BOC: variants seen among roughly 807,000 people sequenced by gnomAD.
The protein encoded by BOC is brother of CDO.
A neutral mutation model predicts 112.0 loss-of-function variants in BOC; 76 were observed. That is an observed-to-expected ratio of 0.68 (90% CI 0.56 to 0.82). The LOEUF (loss-of-function observed/expected upper bound fraction) is 0.82. BOC is among the 40% of genes least tolerant of loss of function. The pLI, the probability that BOC is intolerant of heterozygous loss-of-function variation, is 0.00. For synonymous variants in BOC, 580 were observed against 599.8 expected (o/e 0.97, Z 0.48); for missense variants, 1,309 against 1,511.7 (o/e 0.87, Z 2.22).
intron 4 of BOC, chr3:113,251,323 C>T: frequency 5.2e-6 from 1 of 193,974 alleles, no homozygotes; most frequent in Non-Finnish European, 1.1e-5. Context: ...CCAGACTTGG[C>T]CTCCTGTCTC....
intron 2 of BOC, among the ~76,000 whole-genome samples, chr3:113,240,806 T>C (rs1404385378): frequency 1.3e-5 from 2 of 152,164 alleles, no homozygotes; most frequent in Non-Finnish European, 1.5e-5. Flanking sequence ...TCCTTCCTTT[T>C]TGAGCACTGG....
intron 2 of BOC, among the ~76,000 whole-genome samples, chr3:113,229,447 C>T (rs1363593457): frequency 1.3e-5 from 2 of 152,172 alleles, no homozygotes; most frequent in African/African-American, 2.4e-5. Flanking sequence ...CTATCCCTGC[C>T]CCTAGAAGCA....
chr3:113,226,219 G>C (rs547888482), intron 2 of BOC, among the ~76,000 whole-genome samples: 1 of 152,276 alleles, frequency 6.6e-6, no homozygotes, highest in Non-Finnish European at 1.5e-5. Context: ...TTATCAAAAG[G>C]AGTGGCATTC....
chr3:113,211,205 G>T (rs1460050433), upstream of BOC: 1 of 152,400 alleles, frequency 6.6e-6, no homozygotes, highest in Non-Finnish European at 1.5e-5. Flanking sequence ...AGGAGGGAAG[G>T]ATTGTACATG....
chr3:113,286,896 G>GTTTT lies in BOC; in HGVS notation c.*41_*44dup. 7.7e-7 allele frequency: 1 copy of GTTTT among 1,291,568 alleles called. No individual in the cohort carries two copies. Among genetic ancestry groups the GTTTT allele is most frequent in the East Asian group, 2.7e-5 (1 of 36,884 alleles). 80.0% of individuals were successfully genotyped at this position (1,291,568 alleles called of 1,614,324 possible). On this transcript the variant is annotated 3_prime_UTR_variant, in exon 20 of 20. Coordinates refer to ENST00000682979, the MANE Select transcript of BOC (RefSeq NM_001378074.1). ...TGATATCCCAGAAAGACTATATATT[G>GTTTT]TTTTTTTTTTAAAAAAAAAAAGAAG...
Position 113,274,411 on chromosome 3 carries a change from C to G in BOC, c.1271C>G (p.Ala424Gly). Residue 424 changes from alanine to glycine, a missense_variant, in exon 9 of 20, where the codon GCT becomes GGT. By Grantham distance (60) the Ala-to-Gly change is moderately conservative (BLOSUM62 0). Transcript: ENST00000682979. This position sits in a 1 kb window ranked among gnomAD's most constrained non-coding sequence, Gnocchi z 4.8. ...TPRLWQDAEL[A>G]TGTPPVSPSK... Reference sequence around the variant, plus strand: ...AGGCTATGGCAGGATGCTGAGCTGGCTACTGGCACACCTCCTGTATCACCC... The same window carrying G: ...AGGCTATGGCAGGATGCTGAGCTGGGTACTGGCACACCTCCTGTATCACCC... 1 of 1,575,216 alleles carries G rather than the reference C, an allele frequency of 6.3e-7. No homozygotes were observed. The highest frequency in any genetic ancestry group is 1.2e-5 in the South Asian group (1 of 86,798).
rs1387402941 is a variant in BOC at position 113,272,385 on chromosome 3, GTCCTTGCCC to G, written c.668-15_668-7del. The G allele has an allele frequency of 2.5e-6, 4 of 1,608,592 alleles. No individual in the cohort carries two copies. The highest frequency in any genetic ancestry group is 2.2e-5 in the East Asian group (1 of 44,752). On this transcript the variant is annotated splice_polypyrimidine_tract_variant and intron_variant, in intron 6 of 19. Transcript: ENST00000682979. ...GGACATCCTGGTCCACACGCCTTCT[GTCCTTGCCC>G]TCCTTGCCCCTCCAGGCTCCACCGC... is the stretch of plus-strand genomic sequence containing the variant.
Position 113,253,869 on chromosome 3 carries a change from A to C in BOC, c.376+3036A>C, listed in dbSNP as rs1344396099. Among the ~76,000 whole-genome samples, 4 of 152,210 alleles carry C rather than the reference A, an allele frequency of 2.6e-5. No individual in the cohort carries two copies. The East Asian group carries it at 7.7e-4, about 29-fold the overall frequency. The stretch of plus-strand genomic sequence containing the variant: ...GTGCCCTTAAAGAGCAGCACTGCTC[A>C]TTCAACAGGGAGGTTTCATCTGCAA... On this transcript the variant is annotated intron_variant, in intron 4 of 19. Transcript: ENST00000682979.
chr3:113,256,609 A>G (rs1449617471), intron 4 of BOC, among the ~76,000 whole-genome samples: 7 of 152,196 alleles, frequency 4.6e-5, no homozygotes, highest in African/African-American at 1.7e-4. Context: ...CACACACTTC[A>G]CTAAGGTCAC....
intron 4 of BOC, among the ~76,000 whole-genome samples, chr3:113,266,810 A>G (rs1427162348): frequency 2.6e-5 from 4 of 152,184 alleles, no homozygotes; most frequent in African/African-American, 9.7e-5. Context: ...CTTTCACAGA[A>G]ACAACAGGGC....
At chr3:113,251,702 A>G (rs1945662206) in intron 4 of BOC, 1 of 152,200 alleles carries the variant, frequency 6.6e-6, no homozygotes. Flanking sequence ...AATGGCTTCT[A>G]AGGTCCCTCC....
At chr3:113,226,347 A>G (rs555912956) in intron 2 of BOC, among the ~76,000 whole-genome samples, 1 of 152,236 alleles carries the variant, frequency 6.6e-6, no homozygotes, top group African/African-American at 2.4e-5. Context: ...TGCTGGTGGA[A>G]AGAAGTCTCT....
At chr3:113,229,113 G>T (rs927212705) in intron 2 of BOC, among the ~76,000 whole-genome samples, 1 of 152,206 alleles carries the variant, frequency 6.6e-6, no homozygotes, top group Non-Finnish European at 1.5e-5. Context: ...TCTGAGGTGG[G>T]GTAGAGGGTT....
intron 12 of BOC, 41 bp downstream of exon 12, chr3:113,279,496 A>G: frequency 6.3e-7 from 1 of 1,584,870 alleles, no homozygotes; most frequent in Non-Finnish European, 8.6e-7. Context: ...CTGATCCCCC[A>G]GCTGCCCCTT....
chr3:113,284,462 A>G lies in BOC; in HGVS notation c.2784A>G (p.Gly928=), dbSNP rs900830792. 6.2e-7 allele frequency: 1 copy of G among 1,614,200 alleles called. No homozygotes were observed. The highest frequency in any genetic ancestry group is 1.3e-5 in the African/African-American group (1 of 75,056). The change falls in exon 17 of 20, where the codon GGA becomes GGG. Residue 928 remains glycine, a synonymous_variant. Coordinates refer to ENST00000682979, the MANE Select transcript of BOC (RefSeq NM_001378074.1). The part of the protein sequence containing the change: ...SGQPYLSGIS[G]RACANGIHMN... ...AGCCCTACCTCAGTGGCATCAGTGG[A>G]CGGGCCTGTGCTAATGGGATCCACA...
At chr3:113,215,505 G>A (rs544547529) in intron 1 of BOC, among the ~76,000 whole-genome samples, 15 of 152,152 alleles carry the variant, frequency 9.9e-5, no homozygotes, top group Non-Finnish European at 1.9e-4. Flanking sequence ...AAGTTTGCCT[G>A]CTCTTTCCTG....
At chr3:113,275,051 T>C (rs1948519439) in intron 9 of BOC, among the ~76,000 whole-genome samples, 1 of 152,190 alleles carries the variant, frequency 6.6e-6, no homozygotes, top group Non-Finnish European at 1.5e-5. Flanking sequence ...GTTGTTGATG[T>C]TACATTTTGG....
chr3:113,285,608 G>A lies in BOC; in HGVS notation c.3160+43G>A, dbSNP rs777007212. 2.0e-6 allele frequency: 3 copies of A among 1,491,316 alleles called. No individual in the cohort carries two copies. In the South Asian group the frequency reaches 4.1e-5, roughly 20 times the overall value. 92.4% of individuals were successfully genotyped at this position (1,491,316 alleles called of 1,614,324 possible). ...GGCAGGGAAATTAAACAGGCTGGGG[G>A]TGACATGAGGTAGGCATCCACAAGC... On this transcript the variant is annotated intron_variant, in intron 19 of 19. Transcript: ENST00000682979.
At chr3:113,237,863 C>T (rs538117131) in intron 2 of BOC, among the ~76,000 whole-genome samples, 6 of 152,302 alleles carry the variant, frequency 3.9e-5, no homozygotes, top group African/African-American at 1.4e-4. Flanking sequence ...TTGACCAAAC[C>T]CTTCAATCCA....
Sources: allele counts gnomAD v4.1 joint callset (sites outside exome capture counted in the v4.1 genomes callset), GRCh38; gene constraint gnomAD v4.1.1; non-coding constraint Gnocchi (gnomAD v3.1); transcripts MANE v1.5; gene names NCBI Gene and HGNC (gene_info 2026-07-23, HGNC 2026-07-21).